ADARB2: variants seen among roughly 807,000 people sequenced by gnomAD.
ADARB2 encodes adenosine deaminase RNA specific B2 (inactive).
Under a neutral mutation model 62.2 loss-of-function variants are expected in ADARB2, and 25 were observed. The ratio of observed to expected loss-of-function variants is 0.40; its 90% confidence interval spans 0.29 to 0.56. The LOEUF is 0.56. Ranked by LOEUF, ADARB2 falls within the 20% of genes least tolerant of loss-of-function variation. ADARB2 has a pLI of 0.43. For synonymous variants in ADARB2, 572 were observed against 500.8 expected, an observed-to-expected ratio of 1.14 and a Z score of -1.90; for missense variants, 1,071 against 1,077.4, an observed-to-expected ratio of 0.99 and a Z score of 0.08.
intron 1 of ADARB2, among the ~76,000 whole-genome samples, chr10:1,672,978 T>C (rs1296042795): frequency 6.6e-6 from 1 of 152,184 alleles, no homozygotes; most frequent in East Asian, 1.9e-4. Context: ...GCCACTGCAC[T>C]TAGTTTCCAG....
intron 7 of ADARB2, among the ~76,000 whole-genome samples, chr10:1,204,062 CA>C (rs1260180069): frequency 6.6e-6 from 1 of 152,124 alleles, no homozygotes; most frequent in African/African-American, 2.4e-5. Flanking sequence ...TGGAAGAGCA[CA>C]GGGGACAGTT....
intron 1 of ADARB2, among the ~76,000 whole-genome samples, chr10:1,733,473 G>A (rs1231407155): frequency 6.6e-6 from 1 of 152,102 alleles, no homozygotes; most frequent in East Asian, 1.9e-4. Flanking sequence ...TATATGCACT[G>A]TTTTAATAAC....
chr10:1,452,358 T>TA (rs1365159202), intron 1 of ADARB2, among the ~76,000 whole-genome samples: 2 of 152,040 alleles, frequency 1.3e-5, no homozygotes, highest in African/African-American at 2.4e-5. Flanking sequence ...ATAACAATAA[T>TA]AAAAAAACTT....
intron 6 of ADARB2, among the ~76,000 whole-genome samples, chr10:1,225,963 C>A (rs1238627357): frequency 6.6e-6 from 1 of 152,068 alleles, no homozygotes; most frequent in East Asian, 1.9e-4. Flanking sequence ...GCCTGCTTTG[C>A]TAGATTGGGG....
chr10:1,276,904 G>A (rs1831322977), intron 3 of ADARB2, among the ~76,000 whole-genome samples: 1 of 152,220 alleles, frequency 6.6e-6, no homozygotes. Flanking sequence ...ATAACAAACT[G>A]TCTTTCAGAC....
In ADARB2 at chr10:1,675,820, A is replaced by G. The variant is rs191059849; in HGVS notation, c.100+61231T>C. ...GTGAGATAACAAGGGAGGCCTTTGC[A>G]GGGAGTGAAGGGAAGCCGTGTCTCT... On this transcript the variant is annotated intron_variant, in intron 1 of 9. Coordinates refer to ENST00000381312, the MANE Select transcript of ADARB2 (RefSeq NM_018702.4). Among the ~76,000 whole-genome samples, 19 of 152,174 alleles carry G rather than the reference A, an allele frequency of 1.2e-4. No homozygotes were observed. In the East Asian group the frequency reaches 3.5e-3, roughly 28 times the overall value.
chr10:1,224,938 G>C (rs112454852), intron 6 of ADARB2, among the ~76,000 whole-genome samples: 3 of 152,160 alleles, frequency 2.0e-5, no homozygotes, highest in Non-Finnish European at 4.4e-5. Context: ...AGGTCCACTT[G>C]GTGCAGAGCT....
intron 1 of ADARB2, among the ~76,000 whole-genome samples, chr10:1,478,262 G>T (rs1009744889): frequency 3.3e-5 from 5 of 152,196 alleles, no homozygotes; most frequent in Non-Finnish European, 7.3e-5. Context: ...TGTGATGGAA[G>T]CCCTGGGAAC....
In ADARB2 at chr10:1,452,156, G is replaced by T. The variant is rs142574150; in HGVS notation, c.101-72996C>A. Among the ~76,000 whole-genome samples, 314 of 152,216 alleles carry T rather than the reference G, an allele frequency of 2.1e-3. 3 individuals are homozygous for T. Among genetic ancestry groups the T allele is most frequent in the Middle Eastern group, 3.4e-3 (1 of 294 alleles). ...GGCCGCTGCCACCATCACACCTCTGGGTGTAGTTTGATCCGAGACAGCAGC... is the reference window on the plus strand; with the variant it reads ...GGCCGCTGCCACCATCACACCTCTGTGTGTAGTTTGATCCGAGACAGCAGC... On this transcript the variant is annotated intron_variant, in intron 1 of 9. Transcript: ENST00000381312.
chr10:1,455,149 TATGA>T (rs1831082446), intron 1 of ADARB2, among the ~76,000 whole-genome samples: 1 of 152,178 alleles, frequency 6.6e-6, no homozygotes, highest in Non-Finnish European at 1.5e-5. Flanking sequence ...TGCTTACACT[TATGA>T]ATAGTTGGCA....
At chr10:1,587,776 G>A (rs1025558650) in intron 1 of ADARB2, among the ~76,000 whole-genome samples, 3 of 152,146 alleles carry the variant, frequency 2.0e-5, no homozygotes, top group Non-Finnish European at 2.9e-5. Flanking sequence ...CGACCTGGTG[G>A]GAGGTAATTG....
chr10:1,300,662 CG>C (rs1175945136), intron 3 of ADARB2, among the ~76,000 whole-genome samples: 1 of 152,218 alleles, frequency 6.6e-6, no homozygotes, highest in East Asian at 1.9e-4. Flanking sequence ...TAAAATTCCT[CG>C]TGGGCTTCAT....
chr10:1,537,481 T>C (rs1832347726), intron 1 of ADARB2, among the ~76,000 whole-genome samples: 1 of 152,222 alleles, frequency 6.6e-6, no homozygotes, highest in Admixed American at 6.5e-5. Context: ...CAAAGGATTA[T>C]AAATTATTCT....
chr10:1,647,555 A>G (rs1834059609), intron 1 of ADARB2, among the ~76,000 whole-genome samples: 1 of 152,032 alleles, frequency 6.6e-6, no homozygotes, highest in South Asian at 2.1e-4. Context: ...ATACATGTGT[A>G]TATATATATC....
At chr10:1,446,584 G>A (rs1041637187) in intron 1 of ADARB2, among the ~76,000 whole-genome samples, 14 of 152,200 alleles carry the variant, frequency 9.2e-5, no homozygotes, top group Non-Finnish European at 2.9e-5. Context: ...CAGGAGACAC[G>A]CTGGGCACAG....
intron 1 of ADARB2, among the ~76,000 whole-genome samples, chr10:1,450,850 C>T (rs1364339586): frequency 2.0e-5 from 3 of 152,312 alleles, no homozygotes; most frequent in South Asian, 2.1e-4. Flanking sequence ...TGACCCTCCA[C>T]GAGCTGAAGG....
At chr10:1,640,941 G>T (rs557725339) in intron 1 of ADARB2, among the ~76,000 whole-genome samples, 171 of 152,250 alleles carry the variant, frequency 1.1e-3, no homozygotes, top group Non-Finnish European at 2.1e-3. Context: ...GTCTCACTTG[G>T]CTACAATTGC....
chr10:1,627,630 G>T (rs1833787070), intron 1 of ADARB2, among the ~76,000 whole-genome samples: 1 of 152,150 alleles, frequency 6.6e-6, no homozygotes, highest in African/African-American at 2.4e-5. Flanking sequence ...AACTTCTACT[G>T]GTTTGTCATA....
chr10:1,269,312 A>G (rs1360489482), intron 4 of ADARB2, among the ~76,000 whole-genome samples: 1 of 152,226 alleles, frequency 6.6e-6, no homozygotes, highest in African/African-American at 2.4e-5. Flanking sequence ...ATTGTTCTGT[A>G]TGAACCATTC....
Sources: gnomAD v4.1 joint callset for allele counts (sites outside exome capture counted in the v4.1 genomes callset) on GRCh38, gnomAD v4.1.1 for gene constraint, MANE v1.5 for transcripts, NCBI Gene and HGNC (gene_info 2026-07-23, HGNC 2026-07-21) for gene names.